LAMA3: variants seen among roughly 807,000 people sequenced by gnomAD.
The protein encoded by LAMA3 is laminin subunit alpha-3.
A neutral mutation model predicts 402.0 loss-of-function variants in LAMA3; 281 were observed. The observed-to-expected ratio is 0.70, with a 90% CI of 0.63 to 0.77. The LOEUF is 0.77. Ranked by LOEUF, LAMA3 falls within the 30% of genes least tolerant of loss-of-function variation. LAMA3 has a pLI of 0.00. For synonymous variants in LAMA3, 1,431 were observed against 1,558.4 expected (o/e 0.92, Z 1.93); for missense variants, 3,840 against 4,215.5 (o/e 0.91, Z 2.47).
At chr18:23,942,354 C>T (rs2082552723) in intron 68 of LAMA3, among the ~76,000 whole-genome samples, 1 of 152,134 alleles carries the variant, frequency 6.6e-6, no homozygotes, top group East Asian at 1.9e-4. Context: ...TTTATGCATC[C>T]CTCTCAGGGC....
intron 21 of LAMA3, among the ~76,000 whole-genome samples, chr18:23,826,168 C>T (rs1157207808): frequency 2.0e-5 from 3 of 152,326 alleles, no homozygotes; most frequent in Non-Finnish European, 4.4e-5. Flanking sequence ...GCTGAATTTA[C>T]GTTGTGGGCT....
rs150985738 is a variant in LAMA3, at chr18:23,763,848, A to G, written c.1182+325A>G. Among the ~76,000 whole-genome samples the G allele has an allele frequency of 2.0e-3, 308 of 152,336 alleles. 1 individual carries two copies. Among genetic ancestry groups the G allele is most frequent in the African/African-American group, 7.2e-3 (299 of 41,578 alleles). On this transcript the variant is annotated intron_variant, in intron 8 of 74. Coordinates refer to ENST00000313654, the MANE Select transcript of LAMA3 (RefSeq NM_198129.4). The stretch of plus-strand genomic sequence containing the variant: ...AAAACTCTAAGATAGGAGGACAAGT[A>G]GTTATTAATGTTAGTGCTGACCCTA...
rs1240106674 is a variant in LAMA3, at chr18:23,949,762, C to A, written c.9352-3C>A. The A allele has an allele frequency of 8.1e-6, 13 of 1,613,842 alleles. No individual in the cohort carries two copies. The highest frequency in any genetic ancestry group is 1.1e-5 in the Non-Finnish European group (13 of 1,179,950). ...GAGCTTTTTCTTTTCTGCTTGGTTG[C>A]AGAGCCTCCCCACAAACAGCTTTGT... is the stretch of plus-strand genomic sequence containing the variant. On this transcript the variant is annotated splice_region_variant and splice_polypyrimidine_tract_variant and intron_variant, in intron 70 of 74. Transcript: ENST00000313654.
chr18:23,761,660 ATAT>A (rs1432481899), intron 7 of LAMA3, among the ~76,000 whole-genome samples: 5 of 152,298 alleles, frequency 3.3e-5, no homozygotes, highest in Admixed American at 3.3e-4. Flanking sequence ...GGTAGTAATA[ATAT>A]TCTCTTCGTG....
intron 6 of LAMA3, among the ~76,000 whole-genome samples, chr18:23,757,978 A>G (rs1349826829): frequency 6.6e-6 from 1 of 152,206 alleles, no homozygotes; most frequent in African/African-American, 2.4e-5. Flanking sequence ...ACTTGAGCAG[A>G]TCTTAGTCGT....
At chr18:23,873,411 T>A (rs373253558) in intron 38 of LAMA3, among the ~76,000 whole-genome samples, 3 of 152,210 alleles carry the variant, frequency 2.0e-5, no homozygotes, top group South Asian at 2.1e-4. Context: ...GCAAACCCCA[T>A]TAACATCAGC....
At chr18:23,765,627 C>A (rs950187012) in intron 8 of LAMA3, among the ~76,000 whole-genome samples, 2 of 152,162 alleles carry the variant, frequency 1.3e-5, no homozygotes, top group African/African-American at 2.4e-5. Flanking sequence ...CAATAGGGAC[C>A]AATTCTGACA....
At chr18:23,920,521 A>G (rs1242756345) in intron 60 of LAMA3, among the ~76,000 whole-genome samples, 2 of 152,224 alleles carry the variant, frequency 1.3e-5, no homozygotes, top group African/African-American at 2.4e-5. Context: ...CAAATGAGAC[A>G]GAGACATAAG....
chr18:23,952,133 G>C (rs939675196), intron 73 of LAMA3, among the ~76,000 whole-genome samples: 24 of 152,128 alleles, frequency 1.6e-4, no homozygotes, highest in African/African-American at 5.1e-4. Context: ...CCCTTTCCCT[G>C]TGTGACCTTG....
intron 52 of LAMA3, among the ~76,000 whole-genome samples, chr18:23,907,261 A>T (rs1366105551): frequency 6.6e-6 from 1 of 152,174 alleles, no homozygotes; most frequent in Non-Finnish European, 1.5e-5. Context: ...AGAGTCTCTT[A>T]CTCTGAGCAG....
At chr18:23,846,221 G>C in intron 30 of LAMA3, 76 bp from the exon 31 acceptor site, 2 of 1,379,870 alleles carry the variant, frequency 1.4e-6, no homozygotes, top group Non-Finnish European at 2.1e-6. Context: ...GGTGGAGCAG[G>C]TGGTAAAGGC....
At chr18:23,699,262 G>C (rs969691533) in intron 1 of LAMA3, among the ~76,000 whole-genome samples, 23 of 152,216 alleles carry the variant, frequency 1.5e-4, no homozygotes, top group East Asian at 3.8e-4. Flanking sequence ...TTGTCCCTGA[G>C]TGAGACCTCT....
chr18:23,724,150 G>A (rs980910065), intron 2 of LAMA3, among the ~76,000 whole-genome samples: 4 of 152,136 alleles, frequency 2.6e-5, no homozygotes, highest in African/African-American at 9.7e-5. Flanking sequence ...CCATTCCTAA[G>A]TTACTTCACT....
intron 29 of LAMA3, among the ~76,000 whole-genome samples, chr18:23,844,154 T>A (rs1344398859): frequency 1.3e-5 from 2 of 152,202 alleles, no homozygotes; most frequent in African/African-American, 4.8e-5. Flanking sequence ...TTTATTGAAT[T>A]GAATATCATG....
chr18:23,877,002 C>T lies in LAMA3; in HGVS notation c.5112+595C>T, dbSNP rs369383073. The stretch of plus-strand genomic sequence containing the variant: ...TGCCACTGCACTGCAGCCTGGGCAA[C>T]AAGAACAAAACTCGGTCTGCATTCC... On this transcript the variant is annotated intron_variant, in intron 39 of 74. Coordinates refer to ENST00000313654, the MANE Select transcript of LAMA3 (RefSeq NM_198129.4). Among the ~76,000 whole-genome samples the T allele has an allele frequency of 8.5e-5, 13 of 152,308 alleles. No individual in the cohort carries two copies. In the East Asian group the frequency reaches 1.5e-3, roughly 18 times the overall value.
intron 32 of LAMA3, among the ~76,000 whole-genome samples, chr18:23,850,792 A>G (rs1349981826): frequency 6.6e-6 from 1 of 152,256 alleles, no homozygotes; most frequent in African/African-American, 2.4e-5. Flanking sequence ...AAAGGGCTAG[A>G]ATATTTTTGG....
In LAMA3 at chr18:23,845,019, T is replaced by C. The variant is rs1009696401; in HGVS notation, c.3614T>C (p.Leu1205Pro). 6.3e-7 allele frequency: 1 copy of C among 1,589,602 alleles called. No homozygotes were observed. The highest frequency in any genetic ancestry group is 8.6e-7 in the Non-Finnish European group (1 of 1,157,620). Residue 1205 changes from leucine to proline, a missense_variant, in exon 30 of 75, where the codon CTA (leucine) becomes CCA (proline). Coordinates refer to ENST00000313654, the MANE Select transcript of LAMA3 (RefSeq NM_198129.4). ...EGKSLVLVRV[L>P]VVPAENYDYQ... The stretch of plus-strand genomic sequence containing the variant: ...GTGGATTTCTTTCAGGTCCGTGTTC[T>C]AGTGGTGCCTGCAGAAAACTATGAC...
In LAMA3 at chr18:23,848,858, C is replaced by G. The variant is rs1012036664; in HGVS notation, c.4136+1190C>G. On this transcript the variant is annotated intron_variant, in intron 32 of 74. Transcript: ENST00000313654. The stretch of plus-strand genomic sequence containing the variant: ...GCAAGAGAACCTGTTCCATGCCTTT[C>G]TCTTCGCTTCTGGTGTGCAGGTATT... Among the ~76,000 whole-genome samples, 3 of 147,386 alleles carry G rather than the reference C, an allele frequency of 2.0e-5. No homozygotes were observed. The South Asian group carries it at 6.5e-4, about 32-fold the overall frequency.
rs573968099 is a variant in LAMA3 at position 23,910,692 on chromosome 18, A to G, written c.7158+1397A>G. On this transcript the variant is annotated intron_variant, in intron 55 of 74. Transcript: ENST00000313654. ...AATGTTCATTGCAACATAGTTTATA[A>G]TCACACACAAAGATTTTTTTTAAAA... Among the ~76,000 whole-genome samples the G allele has an allele frequency of 8.5e-5, 13 of 152,328 alleles. No homozygotes were observed. In the East Asian group the frequency reaches 2.1e-3, roughly 25 times the overall value.
Sources: gnomAD v4.1 joint callset for allele counts (sites outside exome capture counted in the v4.1 genomes callset) on GRCh38, gnomAD v4.1.1 for gene constraint, MANE v1.5 for transcripts, NCBI Gene and HGNC (gene_info 2026-07-23, HGNC 2026-07-21) for gene names.